The following CSNK1G1 variants were observed in gnomAD, a reference collection of about 807,000 sequenced individuals.
CSNK1G1 encodes casein kinase 1 gamma 1, also known as casein kinase I isoform gamma-1.
Under a neutral mutation model 59.6 loss-of-function variants are expected in CSNK1G1, and 22 were observed. The ratio of observed to expected loss-of-function variants is 0.37; its 90% CI spans 0.26 to 0.53. The LOEUF (loss-of-function observed/expected upper bound fraction) is 0.53. Among genes scored for constraint, CSNK1G1 ranks in the 20% least tolerant of loss-of-function variants. CSNK1G1 has a pLI of 0.89. For missense variants in CSNK1G1, 384 were observed against 519.5 expected (o/e 0.74, Z 2.54); for synonymous variants, 179 against 177.1 (o/e 1.01, Z -0.08).
At chr15:64,246,836 C>A (rs1013201653) in intron 4 of CSNK1G1, among the ~76,000 whole-genome samples, 11 of 152,086 alleles carry the variant, frequency 7.2e-5, no homozygotes, top group African/African-American at 2.7e-4. Context: ...TATTATCCTG[C>A]CGTTTACCTA....
intron 1 of CSNK1G1, 105 bp from the exon 2 acceptor site, chr15:64,300,828 C>T: frequency 1.6e-6 from 1 of 615,020 alleles, no homozygotes; most frequent in Non-Finnish European, 2.4e-6. Context: ...GAGCAAAATG[C>T]ATAGCTTCTG....
intron 10 of CSNK1G1, chr15:64,181,167 C>A: frequency 6.6e-7 from 1 of 1,511,492 alleles, no homozygotes; most frequent in Non-Finnish European, 8.8e-7. Flanking sequence ...AACACTCTCC[C>A]TTGGAAAGCC....
chr15:64,277,633 ATAT>A (rs911018806), intron 2 of CSNK1G1, among the ~76,000 whole-genome samples: 1 of 137,074 alleles, frequency 7.3e-6, no homozygotes, highest in Non-Finnish European at 1.6e-5. Context: ...TAATATATTA[ATAT>A]TAATATATTT....
intron 4 of CSNK1G1, among the ~76,000 whole-genome samples, chr15:64,233,426 A>G (rs2082574353): frequency 6.6e-6 from 1 of 152,190 alleles, no homozygotes; most frequent in African/African-American, 2.4e-5. Flanking sequence ...AAATGTAATT[A>G]AAGGCAATTA....
rs186481292 is a variant in CSNK1G1, at chr15:64,233,004, C to T, written c.293-16291G>A. ...CCTGCATAAGCACTATATTGATTTC[C>T]TATAACTAATCACAACTCTTCAGTC... On this transcript the variant is annotated intron_variant, in intron 4 of 11. Coordinates refer to ENST00000303052, the MANE Select transcript of CSNK1G1 (RefSeq NM_022048.5). 3.3e-4 allele frequency among the ~76,000 whole-genome samples: 51 copies of T among 152,242 alleles called. No homozygotes were observed. The East Asian group carries it at 9.3e-3, about 28-fold the overall frequency.
intron 1 of CSNK1G1, chr15:64,335,948 T>C (rs145822245): frequency 6.6e-6 from 1 of 152,180 alleles, no homozygotes; most frequent in African/African-American, 2.4e-5. Flanking sequence ...TTTGTCACTA[T>C]ACCCCCAGTA....
chr15:64,248,713 G>A (rs1459520496), intron 4 of CSNK1G1, among the ~76,000 whole-genome samples: 4 of 152,122 alleles, frequency 2.6e-5, no homozygotes, highest in Admixed American at 1.3e-4. Flanking sequence ...GGCCAGGCAC[G>A]GCGGCTCACA....
At chr15:64,175,233 T>C (rs940936970) in intron 11 of CSNK1G1, among the ~76,000 whole-genome samples, 6 of 152,052 alleles carry the variant, frequency 3.9e-5, no homozygotes, top group African/African-American at 1.4e-4. Context: ...CTTTAATACA[T>C]TCCTGTCCCT....
chr15:64,275,645 C>A (rs371625003), intron 2 of CSNK1G1, among the ~76,000 whole-genome samples: 2 of 151,972 alleles, frequency 1.3e-5, no homozygotes, highest in East Asian at 1.9e-4. Flanking sequence ...ACAAGACAGA[C>A]AATGCTCAAA....
intron 10 of CSNK1G1, among the ~76,000 whole-genome samples, chr15:64,202,470 G>C (rs2082120776): frequency 6.6e-6 from 1 of 151,822 alleles, no homozygotes; most frequent in South Asian, 2.1e-4. Flanking sequence ...AGGTCTTTTG[G>C]TCCTATGGTA....
chr15:64,289,430 C>T (rs902570358), intron 2 of CSNK1G1, among the ~76,000 whole-genome samples: 1 of 152,178 alleles, frequency 6.6e-6, no homozygotes, highest in Non-Finnish European at 1.5e-5. Context: ...TCTGTTAAAA[C>T]TGCTTAACCT....
At chr15:64,195,652 T>C (rs2082028988) in intron 10 of CSNK1G1, among the ~76,000 whole-genome samples, 2 of 152,194 alleles carry the variant, frequency 1.3e-5, no homozygotes, top group South Asian at 4.1e-4. Flanking sequence ...TTTGATCAGA[T>C]AATGCAAAGG....
chr15:64,174,647 G>A (rs574973674), intron 11 of CSNK1G1, among the ~76,000 whole-genome samples: 1 of 152,228 alleles, frequency 6.6e-6, no homozygotes, highest in East Asian at 1.9e-4. Flanking sequence ...AGTCAAAATC[G>A]ATCCAAATCT....
At position 64,165,870 on chromosome 15, in the gene CSNK1G1, TGA is replaced by T. The variant is rs2079881544; in HGVS notation, c.*6059_*6060del. ...TGGTGCCCTAGGAAATGGGCTACTC[TGA>T]GATCACATATCAGAACCCATTTTCC... On this transcript the variant is annotated 3_prime_UTR_variant, in exon 12 of 12. Coordinates refer to ENST00000303052, the MANE Select transcript of CSNK1G1 (RefSeq NM_022048.5). 2.1e-6 allele frequency: 1 copy of T among 469,398 alleles called. No homozygotes were observed. Among genetic ancestry groups the T allele is most frequent in the Non-Finnish European group, 3.8e-6 (1 of 266,166 alleles). 29.1% of individuals were successfully genotyped at this position (469,398 alleles called of 1,614,324 possible). A position where few individuals can be genotyped will look rare whatever the true frequency, so the allele number is the denominator to read the frequency against.
chr15:64,308,411 T>C (rs769343869), intron 1 of CSNK1G1, among the ~76,000 whole-genome samples: 10 of 146,644 alleles, frequency 6.8e-5, no homozygotes, highest in Non-Finnish European at 1.2e-4. Context: ...ACTAGTTATA[T>C]ACACATTTTT....
At chr15:64,226,215 G>T (rs118168041) in intron 4 of CSNK1G1, among the ~76,000 whole-genome samples, 1,687 of 152,316 alleles carry the variant, frequency 0.011, 13 homozygotes, top group Non-Finnish European at 0.017. Flanking sequence ...AAAGTGTGTT[G>T]TGTATTGGAG....
intron 1 of CSNK1G1, among the ~76,000 whole-genome samples, chr15:64,313,375 A>G (rs1286676844): frequency 6.6e-6 from 1 of 152,262 alleles, no homozygotes; most frequent in Non-Finnish European, 1.5e-5. Context: ...GATAGACTGC[A>G]TAAAGAAAAT....
chr15:64,171,905 G>A lies in CSNK1G1; in HGVS notation c.*26C>T, dbSNP rs116884504. 8.5e-3 allele frequency: 13,448 copies of A among 1,588,852 alleles called. 60 individuals are homozygous for A. The highest frequency in any genetic ancestry group is 0.011 in the Admixed American group (679 of 60,000). On this transcript the variant is annotated 3_prime_UTR_variant, in exon 12 of 12. Transcript: ENST00000303052. The surrounding 1 kb of genome is among the most constrained non-coding windows in gnomAD (Gnocchi z 4.8). ...GTACAATTGAGTCAGAGTCCCCAGG[G>A]CCTGAGGACTCCTGGGAGGCACTGG... is the stretch of plus-strand genomic sequence containing the variant.
intron 8 of CSNK1G1, 95 bp downstream of exon 8, chr15:64,204,770 T>C (rs2082155229): frequency 2.7e-6 from 3 of 1,099,844 alleles, no homozygotes; most frequent in Non-Finnish European, 4.1e-6. Flanking sequence ...GAAATGTTAA[T>C]TACCTAAACA....
Sources: gnomAD v4.1 joint callset for allele counts (sites outside exome capture counted in the v4.1 genomes callset) on GRCh38, gnomAD v4.1.1 for gene constraint, Gnocchi (gnomAD v3.1) non-coding constraint, MANE v1.5 for transcripts, NCBI Gene and HGNC (gene_info 2026-07-23, HGNC 2026-07-21) for gene names.